The following TPO variants were observed in gnomAD, a reference collection of about 807,000 sequenced individuals.
TPO encodes the protein thyroid peroxidase.
A neutral mutation model predicts 96.9 loss-of-function variants in TPO; 78 were observed. That is an observed-to-expected ratio of 0.81 (90% CI 0.67 to 0.97). The LOEUF (loss-of-function observed/expected upper bound fraction) is 0.97, where lower values mean the gene tolerates loss of function less well. Ranked by LOEUF, TPO falls within the 50% of genes least tolerant of loss-of-function variation. The pLI is 0.00. For missense variants in TPO, 1,252 were observed against 1,274.8 expected (o/e 0.98, Z 0.27); for synonymous variants, 547 against 538.0 (o/e 1.02, Z -0.23).
chr2:1,525,332 C>T (rs1421059725), intron 15 of TPO, among the ~76,000 whole-genome samples: 1 of 131,164 alleles, frequency 7.6e-6, no homozygotes, highest in African/African-American at 2.9e-5. Context: ...CCTCAAATCC[C>T]CTCACTATGT....
At chr2:1,527,193 C>A (rs1258409464) in intron 15 of TPO, among the ~76,000 whole-genome samples, 1 of 135,766 alleles carries the variant, frequency 7.4e-6, no homozygotes, top group African/African-American at 2.9e-5. Flanking sequence ...CTGTGTGCAA[C>A]CGCCCCAAAT....
chr2:1,498,935 G>A (rs1013899290), intron 13 of TPO, among the ~76,000 whole-genome samples: 7 of 152,140 alleles, frequency 4.6e-5, no homozygotes, highest in Non-Finnish European at 7.3e-5. Flanking sequence ...TTAAGGAATT[G>A]ATGGCAGGTG....
intron 5 of TPO, 128 bp downstream of exon 5, chr2:1,436,512 C>G (rs1665588271): frequency 6.9e-7 from 1 of 1,443,298 alleles, no homozygotes; most frequent in Admixed American, 1.9e-5. Flanking sequence ...GGTTCCTGTC[C>G]TTGGCCTCCC....
chr2:1,508,437 T>C (rs1014258603), intron 14 of TPO, among the ~76,000 whole-genome samples: 1 of 152,208 alleles, frequency 6.6e-6, no homozygotes, highest in African/African-American at 2.4e-5. Flanking sequence ...TTTGTATTGA[T>C]TGGAATAGTT....
At chr2:1,461,336 C>T (rs1363204968) in intron 7 of TPO, among the ~76,000 whole-genome samples, 8 of 152,176 alleles carry the variant, frequency 5.3e-5, no homozygotes, top group Non-Finnish European at 1.0e-4. Context: ...TGGGTTCAAA[C>T]GTTCTTTGGC....
chr2:1,422,301 G>A (rs200284096), intron 2 of TPO, among the ~76,000 whole-genome samples: 1 of 124,012 alleles, frequency 8.1e-6, no homozygotes. Context: ...GACCCCGCAG[G>A]CGCCTCTCCT....
intron 15 of TPO, among the ~76,000 whole-genome samples, chr2:1,529,378 G>A (rs368797278): frequency 4.8e-4 from 4 of 8,330 alleles, no homozygotes; most frequent in African/African-American, 7.4e-4. Context: ...TATGTGCAAC[G>A]TCCCCAAATC....
intron 1 of TPO, among the ~76,000 whole-genome samples, chr2:1,392,670 G>C (rs1478744412): frequency 3.3e-5 from 5 of 152,134 alleles, no homozygotes; most frequent in African/African-American, 1.2e-4. Flanking sequence ...CTCAATTTCA[G>C]AGCCTGTTAT....
intron 1 of TPO, among the ~76,000 whole-genome samples, chr2:1,385,877 C>T (rs9678511): frequency 0.089 from 13,573 of 151,816 alleles, 1,233 homozygotes; most frequent in East Asian, 0.32. Flanking sequence ...CTCTACACAC[C>T]GCTTTAAATG....
Position 1,477,540 on chromosome 2 carries a change from A to G in TPO, c.1274A>G (p.Asn425Ser), listed in dbSNP as rs1249553452. ...NRLAAALKALNAHWSADAVYQ... is the reference protein window; with the variant it reads ...NRLAAALKALSAHWSADAVYQ... ...CTGGCCGCGGCGCTCAAGGCCCTCAATGCGCACTGGAGCGCGGACGCCGTG... is the reference window on the plus strand; with the variant it reads ...CTGGCCGCGGCGCTCAAGGCCCTCAGTGCGCACTGGAGCGCGGACGCCGTG... The change falls in exon 8 of 17, where the codon AAT becomes AGT. Residue 425 changes from asparagine (N) to serine (S), a missense_variant. Transcript: ENST00000329066. 5.9e-6 allele frequency: 9 copies of G among 1,535,768 alleles called. No individual in the cohort carries two copies. Among genetic ancestry groups the G allele is most frequent in the African/African-American group, 4.1e-5 (3 of 72,310 alleles).
At chr2:1,402,638 G>A (rs1662190564) in intron 1 of TPO, among the ~76,000 whole-genome samples, 1 of 152,132 alleles carries the variant, frequency 6.6e-6, no homozygotes, top group Admixed American at 6.5e-5. Flanking sequence ...ATGGTGGCAG[G>A]CAAGAGAAAA....
intron 1 of TPO, among the ~76,000 whole-genome samples, chr2:1,375,840 CA>C (rs1661714833): frequency 6.6e-6 from 1 of 152,194 alleles, no homozygotes; most frequent in African/African-American, 2.4e-5. Flanking sequence ...GCCACCTCCT[CA>C]CTGCGAATCT....
chr2:1,525,610 C>T (rs550106178), intron 15 of TPO, among the ~76,000 whole-genome samples: 2 of 101,004 alleles, frequency 2.0e-5, no homozygotes, highest in Admixed American at 1.1e-4. Flanking sequence ...CAAATCCCCC[C>T]ACTGTGTGCA....
At chr2:1,511,626 C>A (rs1674139042) in intron 14 of TPO, among the ~76,000 whole-genome samples, 1 of 152,220 alleles carries the variant, frequency 6.6e-6, no homozygotes, top group Non-Finnish European at 1.5e-5. Context: ...TGAGGACTCA[C>A]CCCTTGGCTG....
chr2:1,427,053 C>T (rs922586169), intron 3 of TPO, among the ~76,000 whole-genome samples: 12 of 152,140 alleles, frequency 7.9e-5, no homozygotes, highest in Admixed American at 7.9e-4. Context: ...ACCTGGATAG[C>T]ATGGGGCCAG....
intron 2 of TPO, among the ~76,000 whole-genome samples, chr2:1,421,085 C>T (rs1663462901): frequency 6.6e-6 from 1 of 152,066 alleles, no homozygotes; most frequent in Non-Finnish European, 1.5e-5. Context: ...GCCAGAAATG[C>T]ACCCGAGGTG....
At chr2:1,530,492 ACT>A (rs1389636548) in intron 15 of TPO, among the ~76,000 whole-genome samples, 41 of 87,034 alleles carry the variant, frequency 4.7e-4, no homozygotes, top group Non-Finnish European at 1.1e-4. Context: ...AATCCCCCTC[ACT>A]CTGTGCAACC....
rs781025829 is a variant in TPO at position 1,516,957 on chromosome 2, C to G, written c.2593C>G (p.Leu865Val). The change falls in exon 15 of 17, where the codon CTC becomes GTC. Residue 865 changes from leucine to valine, a missense_variant. By Grantham distance (32) the Leu-to-Val change is conservative. Coordinates refer to ENST00000329066, the MANE Select transcript of TPO (RefSeq NM_001206744.2). ...TCTGCTGATCGGAGGCTTCGCAGGT[C>G]TCACCTCGACGGTGATTTGCAGGTG... ...AALLIGGFAG[L>V]TSTVICRWTR... 5 of 1,614,004 alleles carry G rather than the reference C, an allele frequency of 3.1e-6. No homozygotes were observed. The Admixed American group carries it at 6.7e-5, about 22-fold the overall frequency.
chr2:1,462,657 C>G (rs1273256413), intron 7 of TPO, among the ~76,000 whole-genome samples: 1 of 152,082 alleles, frequency 6.6e-6, no homozygotes, highest in Non-Finnish European at 1.5e-5. Flanking sequence ...TCATTTGCAT[C>G]CATGCATTGC....
Sources: allele counts gnomAD v4.1 joint callset (sites outside exome capture counted in the v4.1 genomes callset), GRCh38; gene constraint gnomAD v4.1.1; transcripts MANE v1.5; gene names NCBI Gene and HGNC (gene_info 2026-07-23, HGNC 2026-07-21).